The following NEK10 variants were observed in gnomAD, a reference collection of about 807,000 sequenced individuals.
NEK10 encodes the protein NIMA related kinase 10.
NEK10 carries 122 observed loss-of-function variants against 159.8 expected under a neutral mutation model. The ratio of observed to expected loss-of-function variants is 0.76; its 90% confidence interval spans 0.66 to 0.89. The LOEUF is 0.89. Among genes scored for constraint, NEK10 ranks in the 40% least tolerant of loss-of-function variants. The pLI is 0.00. For missense variants in NEK10, 1,342 were observed against 1,323.1 expected (o/e 1.01, Z -0.22); for synonymous variants, 466 against 457.1 (o/e 1.02, Z -0.25).
intron 33 of NEK10, among the ~76,000 whole-genome samples, chr3:27,117,658 T>C (rs1183391259): frequency 6.6e-6 from 1 of 152,200 alleles, no homozygotes; most frequent in Non-Finnish European, 1.5e-5. Context: ...GTCCTTTGCC[T>C]ACTTTTTAAT....
At chr3:27,165,672 A>G (rs1946408513) in intron 29 of NEK10, among the ~76,000 whole-genome samples, 1 of 152,208 alleles carries the variant, frequency 6.6e-6, no homozygotes, top group Non-Finnish European at 1.5e-5. Flanking sequence ...CTTCAGACCT[A>G]GTGTGACCTC....
intron 35 of NEK10, 97 bp from the exon 36 acceptor site, chr3:27,111,417 T>C (rs1939515811): frequency 2.3e-6 from 2 of 853,406 alleles, no homozygotes; most frequent in East Asian, 2.9e-5. Context: ...TATAAGTAAA[T>C]AAATCACAGT....
intron 13 of NEK10, among the ~76,000 whole-genome samples, chr3:27,298,533 G>C (rs531152424): frequency 6.6e-6 from 1 of 152,190 alleles, no homozygotes. Flanking sequence ...GGTACCAGTA[G>C]AGTCGGGCTT....
At chr3:27,274,959 C>G (rs2041661610) in intron 22 of NEK10, among the ~76,000 whole-genome samples, 1 of 152,162 alleles carries the variant, frequency 6.6e-6, no homozygotes, top group African/African-American at 2.4e-5. Flanking sequence ...CAGTTAAAAG[C>G]TCTCAGAGAA....
At chr3:27,189,991 C>T (rs974357001) in intron 26 of NEK10, among the ~76,000 whole-genome samples, 14 of 152,134 alleles carry the variant, frequency 9.2e-5, no homozygotes, top group Admixed American at 7.9e-4. Flanking sequence ...GTAGAGACTA[C>T]TTGGACAAGT....
chr3:27,123,825 G>A (rs1443752479), intron 32 of NEK10, among the ~76,000 whole-genome samples: 2 of 151,880 alleles, frequency 1.3e-5, no homozygotes, highest in African/African-American at 4.8e-5. Context: ...AACATTACAG[G>A]CAGAGGAAAA....
chr3:27,116,739 T>G (rs1240528568), intron 33 of NEK10, among the ~76,000 whole-genome samples: 1 of 152,094 alleles, frequency 6.6e-6, no homozygotes, highest in Non-Finnish European at 1.5e-5. Context: ...GCTCAAGTCA[T>G]CCTCTTGCCT....
intron 16 of NEK10, among the ~76,000 whole-genome samples, chr3:27,293,084 A>T (rs1575616236): frequency 5.3e-5 from 8 of 152,206 alleles, no homozygotes; most frequent in Admixed American, 4.6e-4. Context: ...CCTTTTGGTC[A>T]GGCTCACCAA....
intron 22 of NEK10, among the ~76,000 whole-genome samples, chr3:27,268,048 C>A (rs924621158): frequency 3.3e-5 from 5 of 152,222 alleles, no homozygotes; most frequent in Admixed American, 2.6e-4. Context: ...GTCAAACCAA[C>A]ACATTCCCTT....
At chr3:27,192,635 T>C (rs1237449241) in intron 25 of NEK10, among the ~76,000 whole-genome samples, 1 of 151,828 alleles carries the variant, frequency 6.6e-6, no homozygotes, top group East Asian at 1.9e-4. Context: ...AAACCTTTCA[T>C]TAGTGTGGAT....
chr3:27,362,480 T>C (rs558083425), intron 1 of NEK10, among the ~76,000 whole-genome samples: 3 of 152,182 alleles, frequency 2.0e-5, no homozygotes, highest in African/African-American at 7.2e-5. Context: ...CCTGAGATAA[T>C]GTTAGAGTGT....
At chr3:27,277,343 T>C (rs917403718) in intron 22 of NEK10, among the ~76,000 whole-genome samples, 1 of 152,202 alleles carries the variant, frequency 6.6e-6, no homozygotes, top group African/African-American at 2.4e-5. Flanking sequence ...CCATCGTTAG[T>C]CTGGCTTTTT....
In NEK10 at chr3:27,203,468, A is replaced by G. The variant is rs548216455; in HGVS notation, c.2091-911T>C. Among the ~76,000 whole-genome samples the G allele has an allele frequency of 7.2e-5, 11 of 152,348 alleles. No individual in the cohort carries two copies. The East Asian group carries it at 1.7e-3, about 24-fold the overall frequency. On this transcript the variant is annotated intron_variant, in intron 23 of 35. Coordinates refer to ENST00000691995, the MANE Select transcript of NEK10 (RefSeq NM_001394966.1). Reference sequence around the variant, plus strand: ...CATGAATCTATTTTTTAATTTAATTAGATTTAATTTTTGTGAAGGCGAGTG... The same window carrying G: ...CATGAATCTATTTTTTAATTTAATTGGATTTAATTTTTGTGAAGGCGAGTG...
In NEK10 at chr3:27,108,816, A is replaced by G. The variant is rs896953867; in HGVS notation, c.*2456T>C. ...GTGTTAGAAAGGCTTCTGAAAAGTT[A>G]ACTTCTCTGTTGGGATGTGACTCTA... On this transcript the variant is annotated 3_prime_UTR_variant, in exon 36 of 36. Coordinates refer to ENST00000691995, the MANE Select transcript of NEK10 (RefSeq NM_001394966.1). Among the ~76,000 whole-genome samples, 1 of 152,176 alleles carries G rather than the reference A, an allele frequency of 6.6e-6. No homozygotes were observed. Among genetic ancestry groups the G allele is most frequent in the Admixed American group, 6.5e-5 (1 of 15,278 alleles).
chr3:27,326,986 G>A (rs2046050347), intron 5 of NEK10, among the ~76,000 whole-genome samples: 6 of 152,160 alleles, frequency 3.9e-5, no homozygotes. Context: ...TGAGGGACTA[G>A]GAAACACACA....
chr3:27,260,560 G>A (rs992022745), intron 22 of NEK10, among the ~76,000 whole-genome samples: 2 of 152,176 alleles, frequency 1.3e-5, no homozygotes, highest in African/African-American at 4.8e-5. Context: ...TTGCATCCCA[G>A]GGATGAAGCC....
chr3:27,278,583 T>A, intron 22 of NEK10: 2 of 509,552 alleles, frequency 3.9e-6, no homozygotes, highest in Non-Finnish European at 5.1e-6. Context: ...GAAATTCACA[T>A]AGCCTGTTTG....
intron 5 of NEK10, among the ~76,000 whole-genome samples, chr3:27,323,298 T>A (rs4973762): frequency 0.16 from 24,488 of 152,166 alleles, 2,159 homozygotes; most frequent in Non-Finnish European, 0.21. Flanking sequence ...CTGAAGCTGT[T>A]GCCATTCGCT....
chr3:27,287,074 A>G (rs1239005116), intron 20 of NEK10, among the ~76,000 whole-genome samples: 11 of 151,480 alleles, frequency 7.3e-5, no homozygotes, highest in Admixed American at 7.2e-4. Flanking sequence ...TCGACATTTC[A>G]TATGTGACAC....
Sources: gnomAD v4.1 joint callset for allele counts (sites outside exome capture counted in the v4.1 genomes callset) on GRCh38, gnomAD v4.1.1 for gene constraint, MANE v1.5 for transcripts, NCBI Gene and HGNC (gene_info 2026-07-23, HGNC 2026-07-21) for gene names.